The following CDH2 variants were observed in gnomAD, a reference collection of about 807,000 sequenced individuals.
The protein encoded by CDH2 is cadherin 2.
Under a neutral mutation model 92.0 loss-of-function variants are expected in CDH2, and 17 were observed. That is an observed-to-expected ratio of 0.18 (90% CI 0.13 to 0.28). CDH2 has a LOEUF of 0.28. Among genes scored for constraint, CDH2 ranks in the 10% least tolerant of loss-of-function variants. The pLI is 1.00. For synonymous variants in CDH2, 419 were observed against 415.9 expected (o/e 1.01, Z -0.09); for missense variants, 862 against 1,133.1 (o/e 0.76, Z 3.44).
intron 2 of CDH2, among the ~76,000 whole-genome samples, chr18:28,038,778 C>A (rs1287153331): frequency 6.6e-6 from 1 of 152,064 alleles, no homozygotes; most frequent in Non-Finnish European, 1.5e-5. Flanking sequence ...TTATTAGTTT[C>A]TTTACTCATG....
chr18:28,121,786 T>C (rs1392877494), intron 2 of CDH2, among the ~76,000 whole-genome samples: 1 of 152,122 alleles, frequency 6.6e-6, no homozygotes, highest in African/African-American at 2.4e-5. Context: ...TAGAAGCACC[T>C]GTCTCAGTGG....
intron 2 of CDH2, among the ~76,000 whole-genome samples, chr18:28,042,078 G>A (rs1004873220): frequency 4.3e-4 from 65 of 151,906 alleles, no homozygotes; most frequent in African/African-American, 1.2e-3. Flanking sequence ...CTGAAATGCC[G>A]AACTGCTAAT....
At chr18:28,020,210 A>G (rs2013370580) in intron 2 of CDH2, among the ~76,000 whole-genome samples, 1 of 152,092 alleles carries the variant, frequency 6.6e-6, no homozygotes, top group Non-Finnish European at 1.5e-5. Context: ...AACTTACTCA[A>G]GTTGTTTATT....
intron 2 of CDH2, among the ~76,000 whole-genome samples, chr18:28,103,457 TAC>T (rs1491459774): frequency 7.4e-6 from 1 of 135,330 alleles, no homozygotes; most frequent in Non-Finnish European, 1.5e-5. Context: ...TATATATATA[TAC>T]ACATAAAGTA....
rs547585102 is a variant in CDH2 at position 27,985,050 on chromosome 18, A to G, written c.2159T>C (p.Leu720Pro). 6.2e-7 allele frequency: 1 copy of G among 1,614,124 alleles called. No individual in the cohort carries two copies. Among genetic ancestry groups the G allele is most frequent in the African/African-American group, 1.3e-5 (1 of 75,054 alleles). The change falls in exon 13 of 16, where the codon CTT (leucine) becomes CCT (proline). Residue 720 changes from leucine (L) to proline (P), a missense_variant. Physicochemically the swap from Leu to Pro is moderately conservative, Grantham distance 98. Coordinates refer to ENST00000269141, the MANE Select transcript of CDH2 (RefSeq NM_001792.5). Reference sequence around the variant, plus strand: ...GATGGCAATGATGGCACCGGTGCCAAGCCCCGCACCCACAATCCTGTCCAC... The same window carrying G: ...GATGGCAATGATGGCACCGGTGCCAGGCCCCGCACCCACAATCCTGTCCAC... ...TDVDRIVGAGLGTGAIIAILL... is the reference protein window; with the variant it reads ...TDVDRIVGAGPGTGAIIAILL...
At position 27,945,323 on chromosome 18, in the gene CDH2, A is replaced by ATTTTTTTTTTTTTTTTTTTTTTTT. The variant is rs66537834; in HGVS notation, c.1152-12223_1152-12200dup. Among the ~76,000 whole-genome samples, 7 of 66,460 alleles carry ATTTTTTTTTTTTTTTTTTTTTTTT rather than the reference A, an allele frequency of 1.1e-4. 2 individuals are homozygous for ATTTTTTTTTTTTTTTTTTTTTTTT. The highest frequency in any genetic ancestry group is 4.1e-4 in the African/African-American group (7 of 16,966). The allele number at this position is 66,460 out of a possible 152,430, so 43.6% of individuals were successfully genotyped here. On this transcript the variant is annotated intron_variant, in intron 6 of 6. Transcript: ENST00000675173. The stretch of plus-strand genomic sequence containing the variant: ...CAACTGATACTTTCCAGGAAGGAAG[A>ATTTTTTTTTTTTTTTTTTTTTTTT]TTTTTTTTTTTTTTTTTTTTTTTTT...
intron 2 of CDH2, among the ~76,000 whole-genome samples, chr18:28,078,342 G>A (rs529681794): frequency 2.0e-5 from 3 of 152,112 alleles, no homozygotes; most frequent in South Asian, 2.1e-4. Context: ...ACATATAAAC[G>A]AAAATGGAGA....
intron 2 of CDH2, among the ~76,000 whole-genome samples, chr18:28,112,111 A>G: frequency 6.6e-6 from 1 of 152,212 alleles, no homozygotes; most frequent in East Asian, 1.9e-4. Flanking sequence ...GAAATGTACT[A>G]TCAGTACACT....
chr18:27,961,619 A>T (rs1158612729), intron 15 of CDH2, among the ~76,000 whole-genome samples: 1 of 152,198 alleles, frequency 6.6e-6, no homozygotes, highest in African/African-American at 2.4e-5. Context: ...GGGTAGAAGA[A>T]GGCAGGAATC....
chr18:27,963,533 C>T lies in CDH2; in HGVS notation c.2350-12G>A. 1.2e-6 allele frequency: 2 copies of T among 1,611,592 alleles called. 1 individual carries two copies. ...CTCAAGTCATAGTCCTGCAAAAAGA[C>T]AAAATCAAAAACCGATGGGAGATGG... On this transcript the variant is annotated splice_polypyrimidine_tract_variant and intron_variant, in intron 14 of 15. Coordinates refer to ENST00000269141, the MANE Select transcript of CDH2 (RefSeq NM_001792.5).
Position 28,043,890 on chromosome 18 carries a change from A to ATTTTTTT in CDH2, c.173-29988_173-29982dup, listed in dbSNP as rs67532914. On this transcript the variant is annotated intron_variant, in intron 2 of 15. Coordinates refer to ENST00000269141, the MANE Select transcript of CDH2 (RefSeq NM_001792.5). ...AGTCTCATCTTTCTCAGAATCTCGG[A>ATTTTTTT]TTTTTTTTTTTTTTTTTTTTTTTTT... is the stretch of plus-strand genomic sequence containing the variant. Among the ~76,000 whole-genome samples the ATTTTTTT allele has an allele frequency of 6.1e-3, 557 of 91,426 alleles. 63 individuals are homozygous for ATTTTTTT. The highest frequency in any genetic ancestry group is 9.8e-3 in the Non-Finnish European group (452 of 45,972). 60.0% of individuals were successfully genotyped at this position (91,426 alleles called of 152,430 possible).
At position 28,056,944 on chromosome 18, in the gene CDH2, G is replaced by A. The variant is rs1483818719; in HGVS notation, c.173-43035C>T. Among the ~76,000 whole-genome samples the A allele has an allele frequency of 2.6e-5, 4 of 152,226 alleles. No individual in the cohort carries two copies. In the South Asian group the frequency reaches 8.3e-4, roughly 32 times the overall value. On this transcript the variant is annotated intron_variant, in intron 2 of 15. Transcript: ENST00000269141. ...AACTGTATAAAATTCTTAGAAATCC[G>A]ATGTTAGCCATAATTTTGGTTATTG...
chr18:27,965,769 G>A (rs911901771), intron 14 of CDH2, among the ~76,000 whole-genome samples: 1 of 151,982 alleles, frequency 6.6e-6, no homozygotes, highest in African/African-American at 2.4e-5. Flanking sequence ...TAGATCATAA[G>A]GTCAGGAGTT....
chr18:27,963,645 T>A, intron 14 of CDH2, 124 bp from the exon 15 acceptor site: 1 of 745,954 alleles, frequency 1.3e-6, no homozygotes, highest in South Asian at 1.9e-5. Context: ...AATGGAAAAG[T>A]TGCCACTATG....
intron 2 of CDH2, among the ~76,000 whole-genome samples, chr18:28,131,539 G>C (rs997716920): frequency 6.6e-6 from 1 of 152,108 alleles, no homozygotes; most frequent in African/African-American, 2.4e-5. Flanking sequence ...AAAAGCCCTT[G>C]ATTTTTTTCC....
At chr18:28,036,951 C>T (rs1481814560) in intron 2 of CDH2, among the ~76,000 whole-genome samples, 1 of 152,114 alleles carries the variant, frequency 6.6e-6, no homozygotes, top group African/African-American at 2.4e-5. Flanking sequence ...AGTAACAATC[C>T]ATCACTTGTC....
chr18:28,174,893 C>T (rs1364547401), intron 1 of CDH2, among the ~76,000 whole-genome samples: 2 of 152,116 alleles, frequency 1.3e-5, no homozygotes, highest in Non-Finnish European at 2.9e-5. Flanking sequence ...GTAAATAAGA[C>T]GACCCAATGC....
chr18:28,049,734 A>G (rs1263036757), intron 2 of CDH2, among the ~76,000 whole-genome samples: 1 of 152,242 alleles, frequency 6.6e-6, no homozygotes, highest in Admixed American at 6.5e-5. Flanking sequence ...CTGCAGACCT[A>G]GTCACTGCTG....
chr18:28,006,914 G>A (rs1258199277), intron 5 of CDH2, among the ~76,000 whole-genome samples: 1 of 151,492 alleles, frequency 6.6e-6, no homozygotes, highest in Non-Finnish European at 1.5e-5. Context: ...GCTCATGCCT[G>A]TAATCTCAGA....
Sources: allele counts gnomAD v4.1 joint callset (sites outside exome capture counted in the v4.1 genomes callset), GRCh38; gene constraint gnomAD v4.1.1; transcripts MANE v1.5; gene names NCBI Gene and HGNC (gene_info 2026-07-23, HGNC 2026-07-21).